GPAT3: variants seen among roughly 807,000 people sequenced by gnomAD.
GPAT3 encodes glycerol-3-phosphate acyltransferase 3.
Under a neutral mutation model 58.8 loss-of-function variants are expected in GPAT3, and 53 were observed. The ratio of observed to expected loss-of-function variants is 0.90; its 90% CI spans 0.72 to 1.13. The LOEUF (loss-of-function observed/expected upper bound fraction) is 1.13. Among genes scored for constraint, GPAT3 ranks in the 50% most tolerant of loss-of-function variants. The probability of loss-of-function intolerance (pLI) is 0.00; values close to 1 mark genes in which losing one functional copy is unlikely to be tolerated. For synonymous variants in GPAT3, 197 were observed against 187.4 expected, an observed-to-expected ratio of 1.05 and a Z score of -0.42; for missense variants, 511 against 527.6, an observed-to-expected ratio of 0.97 and a Z score of 0.31.
intron 8 of GPAT3, 106 bp from the exon 9 acceptor site, chr4:83,597,324 T>A (rs1726880608): frequency 1.6e-6 from 1 of 620,064 alleles, no homozygotes; most frequent in African/African-American, 1.9e-5. Flanking sequence ...ATGCCTGTAA[T>A]TTTGATATTT....
intron 3 of GPAT3, among the ~76,000 whole-genome samples, chr4:83,586,791 G>C (rs1274806246): frequency 1.3e-5 from 2 of 152,202 alleles, no homozygotes; most frequent in African/African-American, 4.8e-5. Context: ...GAGTTATCTT[G>C]AACCATGCAA....
In GPAT3 at chr4:83,598,751, CTTTTTTTTTTTTTTTTTTTTT is replaced by C. The variant is rs70965361; in HGVS notation, c.1205+44_1205+64del. On this transcript the variant is annotated intron_variant, in intron 11 of 11. Coordinates refer to ENST00000264409, the MANE Select transcript of GPAT3 (RefSeq NM_032717.5). ...AAGAGAACTTTCAGAAGTACTATCA[CTTTTTTTTTTTTTTTTTTTTT>C]TTTTTTTTTTTTTTTAGAGAATGCC... 49 of 152,450 alleles carry C rather than the reference CTTTTTTTTTTTTTTTTTTTTT, an allele frequency of 3.2e-4. 1 individual carries two copies. Among genetic ancestry groups the C allele is most frequent in the Middle Eastern group, 1.5e-3 (1 of 664 alleles). 9.4% of individuals were successfully genotyped at this position (152,450 alleles called of 1,614,324 possible).
At position 83,544,429 on chromosome 4, in the gene GPAT3, C is replaced by T. The variant is rs1375711958; in HGVS notation, c.142-107C>T. The stretch of plus-strand genomic sequence containing the variant: ...CCTGGGGTTAGCTCTTTAGTTCAGA[C>T]ACTGCCAGAGCTTGATGTGTAATTT... On this transcript the variant is annotated intron_variant, in intron 1 of 11. Coordinates refer to ENST00000264409, the MANE Select transcript of GPAT3 (RefSeq NM_032717.5). 8.9e-6 allele frequency: 10 copies of T among 1,118,464 alleles called. No individual in the cohort carries two copies. In the East Asian group the frequency reaches 2.4e-4, roughly 26 times the overall value. The allele number at this position is 1,118,464 out of a possible 1,614,324, so 69.3% of individuals were successfully genotyped here.
At chr4:83,575,306 A>G (rs1174530508) in intron 2 of GPAT3, among the ~76,000 whole-genome samples, 1 of 152,198 alleles carries the variant, frequency 6.6e-6, no homozygotes, top group Non-Finnish European at 1.5e-5. Context: ...CAGAGCTTAT[A>G]TTTAGGTAAA....
At chr4:83,590,933 A>T (rs996042864) in intron 6 of GPAT3, among the ~76,000 whole-genome samples, 1 of 143,646 alleles carries the variant, frequency 7.0e-6, no homozygotes, top group African/African-American at 2.6e-5. Context: ...TTGCCCTTGC[A>T]AATTTGTCAA....
chr4:83,595,179 G>A lies in GPAT3; in HGVS notation c.854+219G>A, dbSNP rs115429810. The stretch of plus-strand genomic sequence containing the variant: ...TATATGATGGGATTGGAAGGCCAAT[G>A]TATTTATATTGCTGTGACTTAGATA... On this transcript the variant is annotated intron_variant, in intron 7 of 11. Transcript: ENST00000264409. The A allele has an allele frequency of 1.9e-3, 786 of 411,914 alleles. 5 individuals are homozygous for A. The highest frequency in any genetic ancestry group is 0.014 in the African/African-American group (702 of 49,144). 25.5% of individuals were successfully genotyped at this position (411,914 alleles called of 1,614,324 possible).
At chr4:83,557,080 G>A (rs1724969353) in intron 2 of GPAT3, among the ~76,000 whole-genome samples, 1 of 152,148 alleles carries the variant, frequency 6.6e-6, no homozygotes, top group Non-Finnish European at 1.5e-5. Flanking sequence ...ACCTCCCAGA[G>A]GTCCCACCTC....
chr4:83,581,506 T>C, intron 2 of GPAT3, 56 bp from the exon 3 acceptor site: 1 of 1,555,036 alleles, frequency 6.4e-7, no homozygotes, highest in Non-Finnish European at 8.7e-7. Flanking sequence ...AGTTGCCCTT[T>C]TGGTCAATTC....
chr4:83,577,043 C>G (rs1432605849), intron 2 of GPAT3, among the ~76,000 whole-genome samples: 1 of 152,210 alleles, frequency 6.6e-6, no homozygotes, highest in East Asian at 1.9e-4. Context: ...TGACAACTGT[C>G]TCCTGATGAG....
Position 83,576,416 on chromosome 4 carries a change from A to T in GPAT3, c.209-5146A>T, listed in dbSNP as rs1027895126. ...TGAAGGAGTGAGAAAATATCATTTT[A>T]TTTATTTATTTATTTATTTATTTAT... On this transcript the variant is annotated intron_variant, in intron 2 of 11. Transcript: ENST00000264409. 1.2e-4 allele frequency among the ~76,000 whole-genome samples: 16 copies of T among 133,282 alleles called. 1 individual carries two copies. The highest frequency in any genetic ancestry group is 5.9e-4 in the Admixed American group (8 of 13,472). 87.4% of individuals were successfully genotyped at this position (133,282 alleles called of 152,430 possible).
At chr4:83,574,922 C>T (rs1359589897) in intron 2 of GPAT3, among the ~76,000 whole-genome samples, 1 of 139,946 alleles carries the variant, frequency 7.1e-6, no homozygotes, top group Non-Finnish European at 1.5e-5. Context: ...ATCGCCCAGG[C>T]CGGAGTGCAG....
At chr4:83,584,438 G>A (rs192007421) in intron 3 of GPAT3, among the ~76,000 whole-genome samples, 36 of 152,294 alleles carry the variant, frequency 2.4e-4, no homozygotes, top group African/African-American at 8.4e-4. Context: ...TCAAAAACCA[G>A]ATTGTATTAA....
rs1726926242 is a variant in GPAT3, at chr4:83,598,307, A to T, written c.1125+128A>T. On this transcript the variant is annotated intron_variant, in intron 10 of 11. Coordinates refer to ENST00000264409, the MANE Select transcript of GPAT3 (RefSeq NM_032717.5). ...CAGCAAATGGGTCATTTTTTTAATG[A>T]TGTATTTAGCTCACTTTAAATCAGA... The T allele has an allele frequency of 4.8e-6, 6 of 1,241,398 alleles. No homozygotes were observed. In the South Asian group the frequency reaches 5.5e-5, roughly 11 times the overall value. The allele number at this position is 1,241,398 out of a possible 1,614,324, so 76.9% of individuals were successfully genotyped here.
Position 83,598,515 on chromosome 4 carries a change from A to T in GPAT3, c.1126-129A>T, listed in dbSNP as rs1024294641. The T allele has an allele frequency of 5.9e-5, 52 of 878,924 alleles. 1 individual carries two copies. Among genetic ancestry groups the T allele is most frequent in the Non-Finnish European group, 9.1e-5 (50 of 549,138 alleles). 54.4% of individuals were successfully genotyped at this position (878,924 alleles called of 1,614,324 possible). Reference sequence around the variant, plus strand: ...GAACAAATGATATTTGCTATGATTGATTAAGAATAGAAAGCATTTGAGCTG... The same window carrying T: ...GAACAAATGATATTTGCTATGATTGTTTAAGAATAGAAAGCATTTGAGCTG... On this transcript the variant is annotated intron_variant, in intron 10 of 11. Coordinates refer to ENST00000264409, the MANE Select transcript of GPAT3 (RefSeq NM_032717.5).
rs569765665 is a variant in GPAT3 at position 83,583,709 on chromosome 4, C to T, written c.479+1877C>T. Among the ~76,000 whole-genome samples the T allele has an allele frequency of 3.8e-4, 52 of 137,160 alleles. 1 individual carries two copies. The highest frequency in any genetic ancestry group is 2.1e-4 in the East Asian group (1 of 4,698). The allele number at this position is 137,160 out of a possible 152,430, so 90.0% of individuals were successfully genotyped here. A position where few individuals can be genotyped will look rare whatever the true frequency, so the allele number is the denominator to read the frequency against. ...AAAAAAAAAAAAAATGAAGCTGGGC[C>T]GGGCATAGTGACTCTTGCCTGTAAT... On this transcript the variant is annotated intron_variant, in intron 3 of 11. Coordinates refer to ENST00000264409, the MANE Select transcript of GPAT3 (RefSeq NM_032717.5).
chr4:83,537,111 G>A (rs1158041491), intron 1 of GPAT3, among the ~76,000 whole-genome samples: 1 of 152,170 alleles, frequency 6.6e-6, no homozygotes, highest in Non-Finnish European at 1.5e-5. Context: ...ATTATGCAGT[G>A]CAGTTTCCGC....
chr4:83,599,322 G>C (rs550548758), intron 11 of GPAT3, among the ~76,000 whole-genome samples: 12 of 152,252 alleles, frequency 7.9e-5, no homozygotes, highest in African/African-American at 2.9e-4. Flanking sequence ...ACTCTACTCA[G>C]TGTGTACAGC....
At chr4:83,535,792 C>T (rs558147750), upstream of GPAT3, 2 of 985,478 alleles carry the variant, frequency 2.0e-6, no homozygotes, top group Admixed American at 6.1e-5. Flanking sequence ...GTGCGCTCTG[C>T]GTTTTCCTGT....
At chr4:83,538,832 AC>A (rs1692571251) in intron 1 of GPAT3, among the ~76,000 whole-genome samples, 1 of 152,194 alleles carries the variant, frequency 6.6e-6, no homozygotes, top group Non-Finnish European at 1.5e-5. Context: ...GGTGGGAGAA[AC>A]CAGATAACTT....
Sources: allele counts gnomAD v4.1 joint callset (sites outside exome capture counted in the v4.1 genomes callset), GRCh38; gene constraint gnomAD v4.1.1; transcripts MANE v1.5; gene names NCBI Gene and HGNC (gene_info 2026-07-23, HGNC 2026-07-21).